The following KCNK9 variants were observed in gnomAD, a reference collection of about 807,000 sequenced individuals.
The protein encoded by KCNK9 is potassium two pore domain channel subfamily K member 9.
A neutral mutation model predicts 10.8 loss-of-function variants in KCNK9; 1 was observed. The ratio of observed to expected loss-of-function variants is 0.09; its 90% CI spans 0.03 to 0.44. The LOEUF (loss-of-function observed/expected upper bound fraction) is 0.44, where lower values mean the gene tolerates loss of function less well. Ranked by LOEUF, KCNK9 falls within the 20% of genes least tolerant of loss-of-function variation. The probability of loss-of-function intolerance (pLI) is 0.97; values close to 1 mark genes in which losing one functional copy is unlikely to be tolerated. For synonymous variants in KCNK9, 231 were observed against 222.7 expected (o/e 1.04, Z -0.33); for missense variants, 303 against 515.0 (o/e 0.59, Z 3.98).
chr8:139,635,897 G>A (rs1815323478), intron 1 of KCNK9, among the ~76,000 whole-genome samples: 1 of 152,184 alleles, frequency 6.6e-6, no homozygotes, highest in Non-Finnish European at 1.5e-5. Flanking sequence ...ATCAGAAAAT[G>A]TGTGTGCTAT....
At chr8:139,646,870 A>C (rs1057195951) in intron 1 of KCNK9, among the ~76,000 whole-genome samples, 1 of 152,270 alleles carries the variant, frequency 6.6e-6, no homozygotes, top group Non-Finnish European at 1.5e-5. Flanking sequence ...CACAATAAGC[A>C]GCCAGCTGTG....
At chr8:139,625,965 A>G (rs1586640661) in intron 1 of KCNK9, among the ~76,000 whole-genome samples, 1 of 152,136 alleles carries the variant, frequency 6.6e-6, no homozygotes, top group African/African-American at 2.4e-5. Context: ...TCTGAACAGC[A>G]TTATTTCACT....
At chr8:139,638,410 C>T (rs957211782) in intron 1 of KCNK9, among the ~76,000 whole-genome samples, 8 of 152,192 alleles carry the variant, frequency 5.3e-5, no homozygotes, top group African/African-American at 1.9e-4. Context: ...TATGAATGAA[C>T]AGGAGCTACG....
chr8:139,605,499 C>A (rs1373089835), intron 2 of KCNK9, among the ~76,000 whole-genome samples: 2 of 152,182 alleles, frequency 1.3e-5, no homozygotes, highest in Admixed American at 1.3e-4. Flanking sequence ...AGACCAAGAG[C>A]AAACAGGGTA....
intron 1 of KCNK9, among the ~76,000 whole-genome samples, chr8:139,697,395 G>A (rs569571701): frequency 4.6e-5 from 7 of 150,580 alleles, no homozygotes; most frequent in Non-Finnish European, 1.0e-4. Flanking sequence ...GGATAAGTGG[G>A]TGGATGGGAG....
rs764960417 is a variant in KCNK9, at chr8:139,702,964, G to A, written c.29C>T (p.Ser10Phe). 1 of 1,601,714 alleles carries A rather than the reference G, an allele frequency of 6.2e-7. No homozygotes were observed. Among genetic ancestry groups the A allele is most frequent in the East Asian group, 2.3e-5 (1 of 43,982 alleles). MKRQNVRTL[S>F]LIVCTFTYLL... ...GTAGGTGAAGGTGCAGACGATGAGG[G>A]ACAGAGTCCGCACGTTCTGCCTCTT... The change falls in exon 1 of 2, where the codon TCC becomes TTC. Residue 10 changes from serine (S) to phenylalanine (F), a missense_variant. Ser to Phe is a radical substitution (Grantham distance 155, BLOSUM62 -2). This residue lies in a region of KCNK9 where 58 missense variants were observed against 102.4 expected (regional missense o/e 0.57). Transcript: ENST00000520439. The surrounding 1 kb of genome is among the most constrained non-coding windows in gnomAD (Gnocchi z 7.5).
chr8:139,660,256 A>G (rs1329370533), intron 1 of KCNK9, among the ~76,000 whole-genome samples: 1 of 152,142 alleles, frequency 6.6e-6, no homozygotes, highest in Non-Finnish European at 1.5e-5. Flanking sequence ...AAGCCTGTAT[A>G]ACAGCCCGCG....
At chr8:139,698,784 G>A (rs1196855549) in intron 1 of KCNK9, among the ~76,000 whole-genome samples, 1 of 152,200 alleles carries the variant, frequency 6.6e-6, no homozygotes, top group East Asian at 1.9e-4. Context: ...GAAAAAAAAT[G>A]GAAAATGCTG....
intron 1 of KCNK9, among the ~76,000 whole-genome samples, chr8:139,640,466 G>A (rs1205155532): frequency 6.6e-6 from 1 of 152,208 alleles, no homozygotes; most frequent in Admixed American, 6.5e-5. Context: ...CAGCCCTGGG[G>A]TCCTCCCCTA....
At chr8:139,666,640 C>T (rs1437423947) in intron 1 of KCNK9, among the ~76,000 whole-genome samples, 5 of 152,238 alleles carry the variant, frequency 3.3e-5, no homozygotes, top group South Asian at 4.1e-4. Flanking sequence ...GCCCAGGCTG[C>T]GGAGCCCAGC....
intron 1 of KCNK9, among the ~76,000 whole-genome samples, chr8:139,701,072 T>C (rs1346742385): frequency 6.6e-6 from 1 of 152,144 alleles, no homozygotes; most frequent in Non-Finnish European, 1.5e-5. Flanking sequence ...TATTTCTTAC[T>C]CTCCAGCTCT....
chr8:139,629,756 G>A (rs1815102363), intron 1 of KCNK9, among the ~76,000 whole-genome samples: 1 of 152,176 alleles, frequency 6.6e-6, no homozygotes, highest in Non-Finnish European at 1.5e-5. Context: ...CCCAGATGGT[G>A]CAGAGAGAGA....
At chr8:139,622,511 C>T (rs1814821670) in intron 1 of KCNK9, among the ~76,000 whole-genome samples, 1 of 152,210 alleles carries the variant, frequency 6.6e-6, no homozygotes, top group East Asian at 1.9e-4. Flanking sequence ...CTAGCCGCAT[C>T]TGTCAGCGGG....
intron 1 of KCNK9, among the ~76,000 whole-genome samples, chr8:139,665,639 G>A (rs908958582): frequency 6.6e-6 from 1 of 152,206 alleles, no homozygotes; most frequent in African/African-American, 2.4e-5. Flanking sequence ...CAGGTGTTCT[G>A]TGGACCTTAG....
At chr8:139,614,762 G>T, downstream of KCNK9, among the ~76,000 whole-genome samples, 1 of 152,198 alleles carries the variant, frequency 6.6e-6, no homozygotes, top group East Asian at 1.9e-4. Context: ...GTTGCCCCCA[G>T]GGGTCTTAGA....
At chr8:139,611,148 G>A (rs776696121), downstream of KCNK9, among the ~76,000 whole-genome samples, 1 of 152,230 alleles carries the variant, frequency 6.6e-6, no homozygotes, top group Non-Finnish European at 1.5e-5. Context: ...GGAGACATGG[G>A]CCTTGCTTTT....
At chr8:139,683,620 CGGGTTACCA>C (rs1816735397) in intron 1 of KCNK9, among the ~76,000 whole-genome samples, 1 of 152,200 alleles carries the variant, frequency 6.6e-6, no homozygotes, top group African/African-American at 2.4e-5. Flanking sequence ...GAGTTGACCA[CGGGTTACCA>C]GGTCACATCC....
chr8:139,603,488 T>C (rs2545434), intron 2 of KCNK9, among the ~76,000 whole-genome samples: 122,413 of 152,206 alleles, frequency 0.8, 49,738 homozygotes, highest in East Asian at 0.97. Context: ...ACTGAGTCAG[T>C]ACATAAAGTC....
intron 1 of KCNK9, among the ~76,000 whole-genome samples, chr8:139,649,381 G>A (rs988974836): frequency 1.3e-5 from 2 of 152,210 alleles, no homozygotes; most frequent in Admixed American, 6.5e-5. Flanking sequence ...CTGGCTGCAA[G>A]TGGACACTGA....
Sources: allele counts gnomAD v4.1 joint callset (sites outside exome capture counted in the v4.1 genomes callset), GRCh38; gene constraint gnomAD v4.1.1; regional missense constraint gnomAD v4.1.1; non-coding constraint Gnocchi (gnomAD v3.1); transcripts MANE v1.5; gene names NCBI Gene and HGNC (gene_info 2026-07-23, HGNC 2026-07-21).